Variants in RHOJ observed in about 807,000 individuals in gnomAD.
RHOJ encodes rho-related GTP-binding protein RhoJ.
A neutral mutation model predicts 23.4 loss-of-function variants in RHOJ; 11 were observed. The observed-to-expected ratio is 0.47, with a 90% CI of 0.30 to 0.78. RHOJ has a LOEUF of 0.78. Ranked by LOEUF, RHOJ falls within the 30% of genes least tolerant of loss-of-function variation. RHOJ has a pLI of 0.08. For missense variants in RHOJ, 254 were observed against 273.4 expected (o/e 0.93, Z 0.50); for synonymous variants, 102 against 102.7 (o/e 0.99, Z 0.04).
intron 1 of RHOJ, among the ~76,000 whole-genome samples, chr14:63,247,680 T>A (rs185794918): frequency 6.6e-6 from 1 of 152,224 alleles, no homozygotes; most frequent in Non-Finnish European, 1.5e-5. Context: ...TGGTAGGATC[T>A]GTTTTGCCTT....
intron 1 of RHOJ, among the ~76,000 whole-genome samples, chr14:63,217,132 A>T (rs1293564864): frequency 9.4e-5 from 14 of 148,570 alleles, no homozygotes. Flanking sequence ...ACATGTGCAC[A>T]TTGTGCAGGT....
intron 2 of RHOJ, among the ~76,000 whole-genome samples, chr14:63,271,535 A>C (rs1419507490): frequency 6.6e-6 from 1 of 152,228 alleles, no homozygotes; most frequent in Non-Finnish European, 1.5e-5. Context: ...CCACTCCAAG[A>C]ATTTCTGCTT....
intron 3 of RHOJ, 80 bp downstream of exon 3, chr14:63,281,215 C>G: frequency 7.4e-7 from 1 of 1,345,588 alleles, no homozygotes; most frequent in Non-Finnish European, 1.0e-6. Context: ...ACATCCTATT[C>G]TGCCAAACGC....
At chr14:63,234,424 C>T (rs1345054151) in intron 1 of RHOJ, among the ~76,000 whole-genome samples, 1 of 152,106 alleles carries the variant, frequency 6.6e-6, no homozygotes, top group Non-Finnish European at 1.5e-5. Context: ...ATTATAGGTA[C>T]ATAACAATGC....
intron 1 of RHOJ, among the ~76,000 whole-genome samples, chr14:63,268,111 G>A (rs1054660950): frequency 1.3e-5 from 2 of 152,198 alleles, no homozygotes; most frequent in African/African-American, 2.4e-5. Context: ...CTAATGATAG[G>A]AGGAATCAAA....
At chr14:63,273,649 T>C (rs1039310990) in intron 2 of RHOJ, among the ~76,000 whole-genome samples, 1 of 152,188 alleles carries the variant, frequency 6.6e-6, no homozygotes, top group African/African-American at 2.4e-5. Flanking sequence ...GAACCAGCCA[T>C]AGTACTAAGA....
chr14:63,273,645 G>A (rs1402524770), intron 2 of RHOJ, among the ~76,000 whole-genome samples: 1 of 152,234 alleles, frequency 6.6e-6, no homozygotes, highest in Non-Finnish European at 1.5e-5. Context: ...AGTGGAACCA[G>A]CCATAGTACT....
intron 4 of RHOJ, among the ~76,000 whole-genome samples, chr14:63,290,196 G>A (rs1882203271): frequency 1.3e-5 from 2 of 152,156 alleles, no homozygotes; most frequent in East Asian, 3.9e-4. Flanking sequence ...AGTTAAGATG[G>A]TGCCACTGCA....
At chr14:63,208,293 T>G (rs1894158213) in intron 1 of RHOJ, among the ~76,000 whole-genome samples, 1 of 152,224 alleles carries the variant, frequency 6.6e-6, no homozygotes, top group Non-Finnish European at 1.5e-5. Flanking sequence ...AAAGCACATC[T>G]GCTCCATGTA....
chr14:63,239,609 G>GC (rs1350673751), intron 1 of RHOJ, among the ~76,000 whole-genome samples: 2 of 152,212 alleles, frequency 1.3e-5, no homozygotes, highest in African/African-American at 4.8e-5. Flanking sequence ...GCTGAAAGTT[G>GC]CTTTGACTAG....
chr14:63,208,593 A>G (rs1232328479), intron 1 of RHOJ, among the ~76,000 whole-genome samples: 1 of 151,950 alleles, frequency 6.6e-6, no homozygotes, highest in Non-Finnish European at 1.5e-5. Context: ...GGGATGCCAC[A>G]TTCTCCTGGT....
At position 63,281,124 on chromosome 14, in the gene RHOJ, A is replaced by G. The variant is rs147838375; in HGVS notation, c.391A>G (p.Ile131Val). The change falls in exon 3 of 5, where the codon ATA becomes GTA. Residue 131 changes from isoleucine (I) to valine (V), a missense_variant. Transcript: ENST00000316754. Reference sequence around the variant, plus strand: ...CATGCCTCACGTGCCTTATGTCCTCATAGGGACCCAGGTTAAAATGTGGGC... The same window carrying G: ...CATGCCTCACGTGCCTTATGTCCTCGTAGGGACCCAGGTTAAAATGTGGGC... The part of the protein sequence containing the change: ...DCMPHVPYVL[I>V]GTQIDLRDDP... 6.2e-7 allele frequency: 1 copy of G among 1,609,832 alleles called. No individual in the cohort carries two copies. Among genetic ancestry groups the G allele is most frequent in the Admixed American group, 1.7e-5 (1 of 58,978 alleles).
chr14:63,232,694 C>CTTT (rs373918863), intron 1 of RHOJ, among the ~76,000 whole-genome samples: 21 of 115,628 alleles, frequency 1.8e-4, no homozygotes, highest in East Asian at 2.5e-4. Flanking sequence ...TTTTTCTTGC[C>CTTT]TTTTTTTTTT....
At chr14:63,248,987 T>C (rs953967398) in intron 1 of RHOJ, among the ~76,000 whole-genome samples, 2 of 152,198 alleles carry the variant, frequency 1.3e-5, no homozygotes, top group African/African-American at 4.8e-5. Context: ...TGGTCCCAAT[T>C]GGTCTGACTC....
At chr14:63,227,170 T>C (rs1214556862) in intron 1 of RHOJ, among the ~76,000 whole-genome samples, 2 of 152,166 alleles carry the variant, frequency 1.3e-5, no homozygotes. Flanking sequence ...CAGGCTGGTC[T>C]CGAACTCCTG....
intron 1 of RHOJ, among the ~76,000 whole-genome samples, chr14:63,206,752 A>T (rs1894117671): frequency 6.6e-6 from 1 of 152,222 alleles, no homozygotes; most frequent in Non-Finnish European, 1.5e-5. Flanking sequence ...CAATAATTTT[A>T]TGTTTTAATA....
intron 1 of RHOJ, among the ~76,000 whole-genome samples, chr14:63,242,148 T>C (rs1305415740): frequency 1.3e-5 from 2 of 152,184 alleles, no homozygotes; most frequent in Non-Finnish European, 1.5e-5. Context: ...ATAGCCTAAG[T>C]GTAGTTGTGT....
chr14:63,234,828 G>A (rs1894760125), intron 1 of RHOJ, among the ~76,000 whole-genome samples: 1 of 152,150 alleles, frequency 6.6e-6, no homozygotes, highest in Non-Finnish European at 1.5e-5. Context: ...GCAAATAACT[G>A]TTTTCTTTAA....
At chr14:63,278,100 T>C (rs947628056) in intron 2 of RHOJ, among the ~76,000 whole-genome samples, 2 of 152,166 alleles carry the variant, frequency 1.3e-5, no homozygotes, top group Non-Finnish European at 2.9e-5. Flanking sequence ...CTCCCAATTA[T>C]TGACTAGAAA....
Sources: allele counts gnomAD v4.1 joint callset (sites outside exome capture counted in the v4.1 genomes callset), GRCh38; gene constraint gnomAD v4.1.1; transcripts MANE v1.5; gene names NCBI Gene and HGNC (gene_info 2026-07-23, HGNC 2026-07-21).